The following SUSD6 variants were observed in gnomAD, a reference collection of about 807,000 sequenced individuals.
SUSD6 encodes sushi domain-containing protein 6.
In SUSD6, 16 loss-of-function variants were observed where a neutral mutation model predicts 28.4. The observed-to-expected ratio is 0.56, with a 90% CI of 0.38 to 0.86. The LOEUF (loss-of-function observed/expected upper bound fraction) is 0.86, where lower values mean the gene tolerates loss of function less well. SUSD6 is among the 40% of genes least tolerant of loss of function. SUSD6 has a pLI of 0.00. For synonymous variants in SUSD6, 147 were observed against 159.6 expected (o/e 0.92, Z 0.59); for missense variants, 341 against 384.2 (o/e 0.89, Z 0.94).
intron 1 of SUSD6, among the ~76,000 whole-genome samples, chr14:69,613,146 G>A (rs865923103): frequency 6.6e-6 from 1 of 152,192 alleles, no homozygotes; most frequent in Non-Finnish European, 1.5e-5. Flanking sequence ...AATATGGAAA[G>A]GTTCTTGAGG....
chr14:69,639,791 A>G (rs929610951), intron 1 of SUSD6, among the ~76,000 whole-genome samples: 14 of 152,064 alleles, frequency 9.2e-5, no homozygotes, highest in African/African-American at 3.4e-4. Flanking sequence ...GCCTTGCTCT[A>G]TCCATTAGAT....
chr14:69,695,916 T>G (rs779379220), intron 2 of SUSD6, among the ~76,000 whole-genome samples: 1 of 152,214 alleles, frequency 6.6e-6, no homozygotes, highest in Non-Finnish European at 1.5e-5. Context: ...TGTTTTTTCT[T>G]CTTTGTATTT....
intron 2 of SUSD6, among the ~76,000 whole-genome samples, chr14:69,663,163 A>G (rs1885687860): frequency 6.6e-6 from 1 of 152,188 alleles, no homozygotes; most frequent in South Asian, 2.1e-4. Flanking sequence ...GCATAGTTTG[A>G]TCTTAATCCA....
rs200502855 is a variant in SUSD6 at position 69,632,827 on chromosome 14, CTCA to C, written c.-81+21002_-81+21004del. ...AAATCAAAACCTGAGTCTTCCTGCT[CTCA>C]TCCAAAACTCCCCTCTTTTGAGCTT... is the stretch of plus-strand genomic sequence containing the variant. On this transcript the variant is annotated intron_variant, in intron 1 of 5. Coordinates refer to ENST00000342745, the MANE Select transcript of SUSD6 (RefSeq NM_014734.4). Among the ~76,000 whole-genome samples the C allele has an allele frequency of 4.1e-3, 630 of 152,248 alleles. 5 individuals are homozygous for C. Among genetic ancestry groups the C allele is most frequent in the Middle Eastern group, 0.02 (6 of 294 alleles).
chr14:69,641,315 A>T (rs1885349245), intron 1 of SUSD6, among the ~76,000 whole-genome samples: 1 of 148,682 alleles, frequency 6.7e-6, no homozygotes, highest in African/African-American at 2.6e-5. Flanking sequence ...TAATTTGGAA[A>T]ATTTGGGGCA....
In SUSD6 at chr14:69,658,622, C is replaced by T; in HGVS notation, c.30C>T (p.Ser10=). The change falls in exon 2 of 6, where the codon AGC becomes AGT. Residue 10 remains serine (S), a synonymous_variant. Transcript: ENST00000342745. ...GCCATGGCAGGATAGCACCAAAGAGCACCTCAGTGTTTGCCGTGGCCTCCG... is the reference window on the plus strand; with the variant it reads ...GCCATGGCAGGATAGCACCAAAGAGTACCTCAGTGTTTGCCGTGGCCTCCG... The part of the protein sequence containing the change: MCHGRIAPK[S]TSVFAVASVG... 6.2e-7 allele frequency: 1 copy of T among 1,614,108 alleles called. No individual in the cohort carries two copies. Among genetic ancestry groups the T allele is most frequent in the Non-Finnish European group, 8.5e-7 (1 of 1,179,962 alleles).
At chr14:69,655,562 T>C (rs1885569853) in intron 1 of SUSD6, among the ~76,000 whole-genome samples, 1 of 151,948 alleles carries the variant, frequency 6.6e-6, no homozygotes, top group African/African-American at 2.4e-5. Flanking sequence ...TTTGGGAGGC[T>C]GAGTTAGGAG....
chr14:69,705,239 A>T (rs758120277), intron 4 of SUSD6, among the ~76,000 whole-genome samples: 1 of 151,084 alleles, frequency 6.6e-6, no homozygotes, highest in Non-Finnish European at 1.5e-5. Flanking sequence ...AATCACTTGA[A>T]CCCACGAGGC....
chr14:69,714,140 C>T lies in SUSD6; in HGVS notation c.*3161C>T, dbSNP rs943695254. ...GTACATTCTATAAATACAAGCACTC[C>T]ATTTGCAAACAGATCTTAAGCTAAT... is the stretch of plus-strand genomic sequence containing the variant. On this transcript the variant is annotated 3_prime_UTR_variant, in exon 6 of 6. Transcript: ENST00000342745. 13 of 152,148 alleles carry T rather than the reference C, an allele frequency of 8.5e-5. No homozygotes were observed. The highest frequency in any genetic ancestry group is 3.1e-4 in the African/African-American group (13 of 41,440). 9.4% of individuals were successfully genotyped at this position (152,148 alleles called of 1,614,324 possible). A position where few individuals can be genotyped will look rare whatever the true frequency, so the allele number is the denominator to read the frequency against.
At chr14:69,662,509 G>C (rs1037194508) in intron 2 of SUSD6, among the ~76,000 whole-genome samples, 2 of 152,196 alleles carry the variant, frequency 1.3e-5, no homozygotes, top group Admixed American at 6.5e-5. Flanking sequence ...GAGAGGCATT[G>C]GGTCCAGCTT....
chr14:69,660,738 A>G (rs1318528327), intron 2 of SUSD6, among the ~76,000 whole-genome samples: 1 of 152,242 alleles, frequency 6.6e-6, no homozygotes, highest in Admixed American at 6.5e-5. Flanking sequence ...AAAATCAGAA[A>G]GATATTTCAT....
rs939300771 is a variant in SUSD6, at chr14:69,714,642, G to A, written c.*3663G>A. The A allele has an allele frequency of 3.9e-5, 6 of 152,246 alleles. No individual in the cohort carries two copies. The highest frequency in any genetic ancestry group is 1.4e-4 in the African/African-American group (6 of 41,442). 9.4% of individuals were successfully genotyped at this position (152,246 alleles called of 1,614,324 possible). A position where few individuals can be genotyped will look rare whatever the true frequency, so the allele number is the denominator to read the frequency against. ...TATGTTTGGTCTGAATGGTGTAGTT[G>A]CTGGTTCCCTAGAGAGGAAAAGGTG... is the stretch of plus-strand genomic sequence containing the variant. On this transcript the variant is annotated 3_prime_UTR_variant, in exon 6 of 6. Coordinates refer to ENST00000342745, the MANE Select transcript of SUSD6 (RefSeq NM_014734.4).
intron 1 of SUSD6, among the ~76,000 whole-genome samples, chr14:69,641,444 T>C (rs1885351537): frequency 6.6e-6 from 1 of 152,184 alleles, no homozygotes; most frequent in Non-Finnish European, 1.5e-5. Flanking sequence ...TTCAGTCTTT[T>C]TTCTCAGTGT....
intron 1 of SUSD6, among the ~76,000 whole-genome samples, chr14:69,631,223 C>T (rs1885188329): frequency 6.6e-6 from 1 of 152,196 alleles, no homozygotes; most frequent in African/African-American, 2.4e-5. Flanking sequence ...AAGTCCAAGT[C>T]CCACCCCACC....
intron 3 of SUSD6, 125 bp downstream of exon 3, chr14:69,703,717 T>G: frequency 1.2e-6 from 1 of 812,902 alleles, no homozygotes. Flanking sequence ...GTTGATGCTC[T>G]GCAGCCTCCC....
intron 4 of SUSD6, among the ~76,000 whole-genome samples, chr14:69,708,339 C>T (rs1718642197): frequency 6.6e-6 from 1 of 152,166 alleles, no homozygotes; most frequent in Admixed American, 6.5e-5. Context: ...AGTTTTTCCA[C>T]AGGGTAAAAG....
At chr14:69,690,054 G>A (rs1410637399) in intron 2 of SUSD6, among the ~76,000 whole-genome samples, 2 of 152,230 alleles carry the variant, frequency 1.3e-5, no homozygotes, top group African/African-American at 4.8e-5. Flanking sequence ...GTACATCAAT[G>A]TGGCATTTAG....
intron 4 of SUSD6, among the ~76,000 whole-genome samples, chr14:69,707,010 TAA>T (rs535172609): frequency 5.1e-5 from 7 of 137,690 alleles, no homozygotes; most frequent in African/African-American, 5.4e-5. Flanking sequence ...CTGGACTCTT[TAA>T]AAAAAAAAAA....
intron 2 of SUSD6, among the ~76,000 whole-genome samples, chr14:69,675,157 C>G (rs191072718): frequency 5.6e-4 from 85 of 152,158 alleles, no homozygotes; most frequent in African/African-American, 2.0e-3. Context: ...TTTCCAGAAG[C>G]TGAGACTGTT....
Sources: gnomAD v4.1 joint callset for allele counts (sites outside exome capture counted in the v4.1 genomes callset) on GRCh38, gnomAD v4.1.1 for gene constraint, MANE v1.5 for transcripts, NCBI Gene and HGNC (gene_info 2026-07-23, HGNC 2026-07-21) for gene names.